The following CPVL variants were observed in gnomAD, a reference collection of about 807,000 sequenced individuals.
CPVL encodes probable serine carboxypeptidase CPVL.
A neutral mutation model predicts 63.7 loss-of-function variants in CPVL; 51 were observed. The observed-to-expected ratio is 0.80, with a 90% CI of 0.64 to 1.01. CPVL has a LOEUF of 1.01. Among genes scored for constraint, CPVL ranks in the 50% least tolerant of loss-of-function variants. The probability of loss-of-function intolerance (pLI) is 0.00; values close to 1 mark genes in which losing one functional copy is unlikely to be tolerated. For missense variants in CPVL, 530 were observed against 573.1 expected, an observed-to-expected ratio of 0.92 and a Z score of 0.77; for synonymous variants, 195 against 206.0, an observed-to-expected ratio of 0.95 and a Z score of 0.46.
At position 29,118,200 on chromosome 7, in the gene CPVL, T is replaced by G. The variant is rs142564620; in HGVS notation, c.169+2693A>C. The stretch of plus-strand genomic sequence containing the variant: ...CTGCTACCCAACTCTACTGCACACA[T>G]CCCGTTGGGCAACTCGGATAAAGTA... On this transcript the variant is annotated intron_variant, in intron 2 of 12. Coordinates refer to ENST00000265394, the MANE Select transcript of CPVL (RefSeq NM_031311.5). Among the ~76,000 whole-genome samples, 772 of 152,308 alleles carry G rather than the reference T, an allele frequency of 5.1e-3. 5 individuals carry two copies. Among genetic ancestry groups the G allele is most frequent in the African/African-American group, 0.017 (722 of 41,560 alleles).
chr7:29,179,956 A>G (rs964335201), intron 5 of CPVL, among the ~76,000 whole-genome samples: 3 of 152,182 alleles, frequency 2.0e-5, no homozygotes, highest in African/African-American at 7.2e-5. Context: ...CATTCTATTG[A>G]TCTTTTGCTA....
intron 12 of CPVL, chr7:29,012,497 C>G (rs1785952115): frequency 6.6e-6 from 1 of 152,210 alleles, no homozygotes; most frequent in African/African-American, 2.4e-5. Flanking sequence ...ACAAAGACCA[C>G]TTGTAAACCT....
intron 5 of CPVL, among the ~76,000 whole-genome samples, chr7:29,163,316 T>C (rs2128713816): frequency 6.6e-6 from 1 of 152,234 alleles, no homozygotes; most frequent in Non-Finnish European, 1.5e-5. Context: ...TTATAGTTTT[T>C]ATATTGATTA....
At chr7:29,130,280 TG>T (rs1790551220) in intron 1 of CPVL, among the ~76,000 whole-genome samples, 1 of 152,152 alleles carries the variant, frequency 6.6e-6, no homozygotes, top group Non-Finnish European at 1.5e-5. Flanking sequence ...AACACTAAGC[TG>T]GAAAAGGGAA....
At chr7:29,156,559 G>A (rs920988477) in intron 5 of CPVL, among the ~76,000 whole-genome samples, 5 of 152,182 alleles carry the variant, frequency 3.3e-5, no homozygotes, top group Admixed American at 6.5e-5. Context: ...TGAGGCATCT[G>A]AAGGAACTCA....
intron 3 of CPVL, among the ~76,000 whole-genome samples, chr7:29,184,885 T>C (rs1336724191): frequency 6.6e-6 from 1 of 152,158 alleles, no homozygotes; most frequent in Non-Finnish European, 1.5e-5. Flanking sequence ...ATGCCAGCCC[T>C]GAGGAATGGG....
chr7:29,146,494 C>T lies in CPVL; in HGVS notation c.-76G>A. ...GGACCCCAGCCGGTTGTCCTTGCAG[C>T]GCTTCCCAAATCAGGCAGAAGTGAG... On this transcript the variant is annotated 5_prime_UTR_variant, in exon 1 of 13. Coordinates refer to ENST00000265394, the MANE Select transcript of CPVL (RefSeq NM_031311.5). 1 of 1,455,608 alleles carries T rather than the reference C, an allele frequency of 6.9e-7. No homozygotes were observed. Among genetic ancestry groups the T allele is most frequent in the South Asian group, 1.5e-5 (1 of 67,366 alleles). 90.2% of individuals were successfully genotyped at this position (1,455,608 alleles called of 1,614,324 possible). A position where few individuals can be genotyped will look rare whatever the true frequency, so the allele number is the denominator to read the frequency against.
intron 1 of CPVL, among the ~76,000 whole-genome samples, chr7:29,130,956 G>A (rs550526562): frequency 3.3e-5 from 5 of 152,318 alleles, no homozygotes; most frequent in Non-Finnish European, 7.4e-5. Context: ...TTTGGGGTAA[G>A]TGAAGCTCTC....
rs1789316128 is a variant in CPVL at position 29,121,013 on chromosome 7, G to A, written c.49C>T (p.Pro17Ser). 6 of 1,612,398 alleles carry A rather than the reference G, an allele frequency of 3.7e-6. No homozygotes were observed. In the East Asian group the frequency reaches 1.3e-4, roughly 36 times the overall value. The change falls in exon 2 of 13, where the codon CCT becomes TCT. Residue 17 changes from proline to serine, a missense_variant. By Grantham distance (74) the Pro-to-Ser change is moderately conservative. Coordinates refer to ENST00000265394, the MANE Select transcript of CPVL (RefSeq NM_031311.5). ...CGAAACAGCCCATCACAGGGGCCAG[G>A]CATCAACAGGACCAGCGAAACAATC... is the stretch of plus-strand genomic sequence containing the variant. ...KVIVSLVLLM[P>S]GPCDGLFRSL...
chr7:29,029,440 G>A (rs1193858294), intron 12 of CPVL, among the ~76,000 whole-genome samples: 1 of 152,100 alleles, frequency 6.6e-6, no homozygotes, highest in Non-Finnish European at 1.5e-5. Context: ...TAAAAATGTG[G>A]CATATACACA....
chr7:29,081,203 T>C (rs1190035186), intron 7 of CPVL: 2 of 152,268 alleles, frequency 1.3e-5, no homozygotes, highest in Admixed American at 1.3e-4. Flanking sequence ...ATCTCACTAA[T>C]AGCTACTGGC....
At chr7:29,026,067 T>C (rs1023015534) in intron 12 of CPVL, among the ~76,000 whole-genome samples, 1 of 152,174 alleles carries the variant, frequency 6.6e-6, no homozygotes, top group African/African-American at 2.4e-5. Context: ...TCACTTGTTA[T>C]GCCATTAAAC....
At chr7:29,103,411 ATTTTTT>A (rs551627609) in intron 3 of CPVL, among the ~76,000 whole-genome samples, 1 of 134,806 alleles carries the variant, frequency 7.4e-6, no homozygotes, top group Non-Finnish European at 1.6e-5. Context: ...ATGCTCAGCT[ATTTTTT>A]TTTTTTTTTG....
chr7:29,020,471 A>G (rs901126930), intron 12 of CPVL, among the ~76,000 whole-genome samples: 5 of 152,174 alleles, frequency 3.3e-5, no homozygotes, highest in Admixed American at 6.5e-5. Flanking sequence ...GTACTCTTGT[A>G]AGCAATCCAG....
At chr7:29,121,692 A>G (rs1789386404) in intron 1 of CPVL, among the ~76,000 whole-genome samples, 1 of 152,200 alleles carries the variant, frequency 6.6e-6, no homozygotes, top group Admixed American at 6.5e-5. Flanking sequence ...TGGGAAAGGC[A>G]TCATGGGTGG....
chr7:29,134,955 T>G (rs1308474064), intron 1 of CPVL, among the ~76,000 whole-genome samples: 1 of 151,734 alleles, frequency 6.6e-6, no homozygotes, highest in Non-Finnish European at 1.5e-5. Flanking sequence ...TTTAAAAAAT[T>G]AGCCAGACAT....
intron 11 of CPVL, 71 bp downstream of exon 11, chr7:29,063,990 C>G (rs1782899708): frequency 2.0e-6 from 2 of 1,018,490 alleles, no homozygotes; most frequent in Non-Finnish European, 2.9e-6. Context: ...AGGCAGGACT[C>G]AAATTACAAA....
At chr7:29,014,296 G>T (rs1353932182) in intron 12 of CPVL, among the ~76,000 whole-genome samples, 1 of 152,162 alleles carries the variant, frequency 6.6e-6, no homozygotes, top group Admixed American at 6.5e-5. Context: ...GACTCTGTTT[G>T]CCGATTTCCT....
At chr7:29,121,770 A>C (rs1208690337) in intron 1 of CPVL, among the ~76,000 whole-genome samples, 4 of 152,182 alleles carry the variant, frequency 2.6e-5, no homozygotes, top group Non-Finnish European at 4.4e-5. Flanking sequence ...AATTTCAAAG[A>C]AGCAATGGAT....
Sources: gnomAD v4.1 joint callset for allele counts (sites outside exome capture counted in the v4.1 genomes callset) on GRCh38, gnomAD v4.1.1 for gene constraint, MANE v1.5 for transcripts, NCBI Gene and HGNC (gene_info 2026-07-23, HGNC 2026-07-21) for gene names.